Variants in CHCHD6 observed in about 807,000 individuals in gnomAD.
The protein encoded by CHCHD6 is MICOS complex subunit MIC25.
In CHCHD6, 28 loss-of-function variants were observed where a neutral mutation model predicts 32.3. The observed-to-expected ratio is 0.87, with a 90% CI of 0.64 to 1.19. The LOEUF (loss-of-function observed/expected upper bound fraction) is 1.19. Among genes scored for constraint, CHCHD6 ranks in the 50% most tolerant of loss-of-function variants. CHCHD6 has a pLI of 0.00. For synonymous variants in CHCHD6, 122 were observed against 117.5 expected (o/e 1.04, Z -0.25); for missense variants, 333 against 307.0 (o/e 1.08, Z -0.63).
At chr3:126,746,688 T>G (rs1936516993) in intron 4 of CHCHD6, among the ~76,000 whole-genome samples, 1 of 152,228 alleles carries the variant, frequency 6.6e-6, no homozygotes, top group Admixed American at 6.5e-5. Context: ...TGTGTGGAAT[T>G]TCAAGCAGCC....
chr3:126,727,816 G>A (rs937200307), intron 2 of CHCHD6, among the ~76,000 whole-genome samples: 4 of 152,250 alleles, frequency 2.6e-5, no homozygotes, highest in South Asian at 4.2e-4. Flanking sequence ...CCCAAATAAC[G>A]ACTTGTAGCA....
chr3:126,705,538 G>A (rs1391597872), intron 1 of CHCHD6, among the ~76,000 whole-genome samples: 1 of 152,234 alleles, frequency 6.6e-6, no homozygotes, highest in Non-Finnish European at 1.5e-5. Flanking sequence ...AAGTGGGAGA[G>A]CTGGGATTGA....
chr3:126,956,516 C>CA (rs1487613730), intron 6 of CHCHD6, among the ~76,000 whole-genome samples: 1 of 152,160 alleles, frequency 6.6e-6, no homozygotes, highest in Admixed American at 6.5e-5. Context: ...TAAGGAGCAG[C>CA]ACTGAGCACG....
intron 6 of CHCHD6, among the ~76,000 whole-genome samples, chr3:126,918,034 T>C (rs2078195968): frequency 6.6e-6 from 1 of 152,254 alleles, no homozygotes; most frequent in Admixed American, 6.5e-5. Flanking sequence ...TTAGTCACTT[T>C]TTTACAGCAC....
At chr3:126,845,133 A>G (rs974323335) in intron 4 of CHCHD6, among the ~76,000 whole-genome samples, 1 of 152,212 alleles carries the variant, frequency 6.6e-6, no homozygotes, top group Non-Finnish European at 1.5e-5. Context: ...AGGAACTAAT[A>G]CAAGGGCTAA....
intron 4 of CHCHD6, among the ~76,000 whole-genome samples, chr3:126,816,404 G>T (rs896697589): frequency 2.6e-5 from 4 of 152,200 alleles, no homozygotes; most frequent in Non-Finnish European, 2.9e-5. Context: ...TTTGTGTGAT[G>T]AACTGGCTTT....
At chr3:126,867,714 A>G (rs1942334456) in intron 5 of CHCHD6, among the ~76,000 whole-genome samples, 1 of 151,938 alleles carries the variant, frequency 6.6e-6, no homozygotes, top group Admixed American at 6.5e-5. Flanking sequence ...GGGGCTGGCT[A>G]TAAACAGATG....
At chr3:126,935,605 C>T (rs1021618930) in intron 6 of CHCHD6, among the ~76,000 whole-genome samples, 6 of 152,114 alleles carry the variant, frequency 3.9e-5, no homozygotes, top group East Asian at 3.8e-4. Context: ...AAACCGTGTG[C>T]GGCTTAGTCT....
chr3:126,807,126 C>T (rs1257757024), intron 4 of CHCHD6, among the ~76,000 whole-genome samples: 1 of 150,592 alleles, frequency 6.6e-6, no homozygotes, highest in African/African-American at 2.4e-5. Context: ...TGCAGCACAC[C>T]AGCATGGCAC....
At chr3:126,933,426 A>G (rs2078434180) in intron 6 of CHCHD6, among the ~76,000 whole-genome samples, 1 of 152,184 alleles carries the variant, frequency 6.6e-6, no homozygotes, top group Non-Finnish European at 1.5e-5. Flanking sequence ...AGGCTGGGTA[A>G]TTTATAAAGA....
intron 4 of CHCHD6, among the ~76,000 whole-genome samples, chr3:126,822,921 T>A (rs1940213734): frequency 6.6e-6 from 1 of 152,128 alleles, no homozygotes; most frequent in African/African-American, 2.4e-5. Flanking sequence ...CCCTTTTTTT[T>A]TTGAGGCAAG....
At chr3:126,919,091 T>C (rs567420775) in intron 6 of CHCHD6, among the ~76,000 whole-genome samples, 19 of 152,280 alleles carry the variant, frequency 1.2e-4, no homozygotes, top group African/African-American at 4.3e-4. Context: ...TTGAAAATTA[T>C]TGAAACTTGA....
intron 4 of CHCHD6, among the ~76,000 whole-genome samples, chr3:126,825,605 T>C (rs1940354558): frequency 6.6e-6 from 1 of 152,242 alleles, no homozygotes; most frequent in African/African-American, 2.4e-5. Flanking sequence ...TCTGGGACTC[T>C]ATATATTTGT....
chr3:126,959,661 T>A (rs2078832431), intron 7 of CHCHD6, among the ~76,000 whole-genome samples: 2 of 152,182 alleles, frequency 1.3e-5, no homozygotes, highest in South Asian at 4.1e-4. Flanking sequence ...AGGTAGGTGA[T>A]GCCTAGGCCC....
At chr3:126,957,997 C>T in intron 7 of CHCHD6, 1 of 295,432 alleles carries the variant, frequency 3.4e-6, no homozygotes, top group Non-Finnish European at 6.7e-6. Context: ...AAGCTGCTCA[C>T]AGCCACCCTG....
chr3:126,951,049 T>C (rs2078708125), intron 6 of CHCHD6, among the ~76,000 whole-genome samples: 1 of 152,228 alleles, frequency 6.6e-6, no homozygotes, highest in Non-Finnish European at 1.5e-5. Context: ...TCATCTTGAA[T>C]TGTAATCCCC....
chr3:126,844,315 A>G (rs1396639530), intron 4 of CHCHD6, among the ~76,000 whole-genome samples: 2 of 152,214 alleles, frequency 1.3e-5, no homozygotes, highest in African/African-American at 2.4e-5. Flanking sequence ...AGAGCAGATC[A>G]AAGTATTTGA....
chr3:126,916,688 G>A (rs1312563365), intron 6 of CHCHD6, among the ~76,000 whole-genome samples: 1 of 152,200 alleles, frequency 6.6e-6, no homozygotes, highest in Non-Finnish European at 1.5e-5. Flanking sequence ...ACCTGTTTCT[G>A]AAGGGTTCCC....
intron 4 of CHCHD6, among the ~76,000 whole-genome samples, chr3:126,813,795 G>A (rs945264146): frequency 6.6e-6 from 1 of 152,212 alleles, no homozygotes; most frequent in Admixed American, 6.5e-5. Flanking sequence ...TTCCAGGAAT[G>A]GAGCTGGTTT....
Sources: gnomAD v4.1 joint callset for allele counts (sites outside exome capture counted in the v4.1 genomes callset) on GRCh38, gnomAD v4.1.1 for gene constraint, MANE v1.5 for transcripts, NCBI Gene and HGNC (gene_info 2026-07-23, HGNC 2026-07-21) for gene names.